The following SLC24A4 variants were observed in gnomAD, a reference collection of about 807,000 sequenced individuals.
The protein encoded by SLC24A4 is solute carrier family 24 member 4.
In SLC24A4, 53 loss-of-function variants were observed where a neutral mutation model predicts 79.0. That is an observed-to-expected ratio of 0.67 (90% CI 0.54 to 0.84). The LOEUF (loss-of-function observed/expected upper bound fraction) is 0.84, where lower values mean the gene tolerates loss of function less well. SLC24A4 is among the 40% of genes least tolerant of loss of function. The pLI is 0.00. For synonymous variants in SLC24A4, 323 were observed against 323.8 expected (o/e 1.00, Z 0.03); for missense variants, 731 against 822.0 (o/e 0.89, Z 1.35).
At chr14:92,489,331 C>G (rs1226041350) in intron 14 of SLC24A4, among the ~76,000 whole-genome samples, 1 of 151,904 alleles carries the variant, frequency 6.6e-6, no homozygotes, top group Non-Finnish European at 1.5e-5. Context: ...TGCAGCTACT[C>G]GGGAGGCTGA....
intron 11 of SLC24A4, among the ~76,000 whole-genome samples, chr14:92,455,533 A>G (rs1264206766): frequency 6.6e-6 from 1 of 152,250 alleles, no homozygotes; most frequent in Admixed American, 6.5e-5. Flanking sequence ...GAATCCATTT[A>G]TATGAAGTTC....
chr14:92,462,905 A>G (rs1041387419), intron 12 of SLC24A4, among the ~76,000 whole-genome samples: 5 of 152,154 alleles, frequency 3.3e-5, no homozygotes, highest in Admixed American at 3.3e-4. Flanking sequence ...GGACAACACT[A>G]CCACCCAACC....
chr14:92,440,055 C>T (rs1009017930), intron 4 of SLC24A4, among the ~76,000 whole-genome samples: 4 of 152,142 alleles, frequency 2.6e-5, no homozygotes, highest in East Asian at 3.9e-4. Flanking sequence ...TGAAATCTCC[C>T]GCGTGTTTGA....
At chr14:92,476,542 T>A (rs1894776953) in intron 12 of SLC24A4, among the ~76,000 whole-genome samples, 1 of 152,200 alleles carries the variant, frequency 6.6e-6, no homozygotes, top group Non-Finnish European at 1.5e-5. Context: ...CAGTCTACTT[T>A]GCAATTTTTA....
intron 6 of SLC24A4, 69 bp from the exon 7 acceptor site, chr14:92,443,331 G>T: frequency 6.7e-7 from 1 of 1,484,454 alleles, no homozygotes; most frequent in Non-Finnish European, 9.4e-7. Flanking sequence ...GGGGGGAGGA[G>T]GCCTGGGCAG....
At chr14:92,489,332 G>A (rs1349447323) in intron 14 of SLC24A4, among the ~76,000 whole-genome samples, 6 of 152,046 alleles carry the variant, frequency 3.9e-5, no homozygotes, top group South Asian at 2.1e-4. Context: ...GCAGCTACTC[G>A]GGAGGCTGAG....
At position 92,490,661 on chromosome 14, in the gene SLC24A4, C is replaced by T. The variant is rs1895629791; in HGVS notation, c.1538-1004C>T. 6.6e-6 allele frequency among the ~76,000 whole-genome samples: 1 copy of T among 152,156 alleles called. No individual in the cohort carries two copies. The highest frequency in any genetic ancestry group is 6.5e-5 in the Admixed American group (1 of 15,286). On this transcript the variant is annotated intron_variant, in intron 14 of 16. Transcript: ENST00000532405. The surrounding 1 kb of genome is among the most constrained non-coding windows in gnomAD (Gnocchi z 4.3). ...GGCACATCCCAAGCCTCAGTTTCAT[C>T]TTCTGTCACGCGAGGTTATGCCCCA...
At chr14:92,456,668 G>A in intron 12 of SLC24A4, 60 bp downstream of exon 12, 3 of 1,550,558 alleles carry the variant, frequency 1.9e-6, no homozygotes, top group Non-Finnish European at 2.6e-6. Context: ...TTAGGACCAA[G>A]CCCAGGTCTT....
intron 12 of SLC24A4, among the ~76,000 whole-genome samples, chr14:92,461,585 C>A (rs1893812228): frequency 6.6e-6 from 1 of 152,166 alleles, no homozygotes; most frequent in Non-Finnish European, 1.5e-5. Flanking sequence ...AGATCTTTCT[C>A]TTCCTCTTCT....
chr14:92,480,773 G>A (rs1895023095), intron 12 of SLC24A4, among the ~76,000 whole-genome samples: 1 of 151,792 alleles, frequency 6.6e-6, no homozygotes, highest in African/African-American at 2.4e-5. Flanking sequence ...CCATGTATTC[G>A]TGAATTTTCC....
chr14:92,442,749 C>T lies in SLC24A4; in HGVS notation c.515C>T (p.Thr172Ile). ...ACCCATGGGGACGTCGGGGTGGGCACCATCGTGGGCTCTGCTGTGTTCAAC... is the reference window on the plus strand; with the variant it reads ...ACCCATGGGGACGTCGGGGTGGGCATCATCGTGGGCTCTGCTGTGTTCAAC... ...FITHGDVGVG[T>I]IVGSAVFNIL... Residue 172 changes from threonine to isoleucine, a missense_variant, in exon 6 of 17, where the codon ACC (threonine) becomes ATC (isoleucine). Thr to Ile is a moderately conservative substitution (Grantham distance 89). Coordinates refer to ENST00000532405, the MANE Select transcript of SLC24A4 (RefSeq NM_153646.4). The T allele has an allele frequency of 6.2e-7, 1 of 1,614,100 alleles. No homozygotes were observed. Among genetic ancestry groups the T allele is most frequent in the East Asian group, 2.2e-5 (1 of 44,880 alleles).
chr14:92,406,356 T>G (rs538281351), intron 2 of SLC24A4, among the ~76,000 whole-genome samples: 1 of 152,342 alleles, frequency 6.6e-6, no homozygotes, highest in East Asian at 1.9e-4. Flanking sequence ...TCTGCCATTC[T>G]GGGGTCTGGA....
rs1280521280 is a variant in SLC24A4, at chr14:92,493,011, CACACACAG to C, written c.1717-463_1717-456del. 4.6e-3 allele frequency: 1,228 copies of C among 266,888 alleles called. 31 individuals are homozygous for C. Among genetic ancestry groups the C allele is most frequent in the East Asian group, 0.022 (124 of 5,694 alleles). The allele number at this position is 266,888 out of a possible 1,614,324, so 16.5% of individuals were successfully genotyped here. A position where few individuals can be genotyped will look rare whatever the true frequency, so the allele number is the denominator to read the frequency against. On this transcript the variant is annotated intron_variant, in intron 16 of 16. Transcript: ENST00000532405. ...ACACACACACACACACACACACACA[CACACACAG>C]AGAAAGATTTGCCCAGCCAGGGGTC...
intron 2 of SLC24A4, among the ~76,000 whole-genome samples, chr14:92,401,937 T>G (rs1890136697): frequency 6.6e-6 from 1 of 152,202 alleles, no homozygotes; most frequent in Admixed American, 6.5e-5. Context: ...TGTTTTCCTC[T>G]GAACACCAAT....
chr14:92,450,939 G>T (rs1435582558), intron 10 of SLC24A4: 2 of 151,980 alleles, frequency 1.3e-5, no homozygotes, highest in African/African-American at 4.8e-5. Context: ...CGCCTACACA[G>T]TGCCTTTTCT....
intron 16 of SLC24A4, chr14:92,492,995 C>T (rs1425159327): frequency 1.8e-5 from 7 of 380,986 alleles, no homozygotes; most frequent in Admixed American, 1.2e-4. Context: ...CACACACACA[C>T]ACACACACAC....
intron 2 of SLC24A4, among the ~76,000 whole-genome samples, chr14:92,380,543 G>A (rs1888784880): frequency 6.6e-6 from 1 of 152,214 alleles, no homozygotes; most frequent in African/African-American, 2.4e-5. Flanking sequence ...TCTCTCAATG[G>A]CCAGAGAAAG....
At chr14:92,471,442 T>C (rs1894437581) in intron 12 of SLC24A4, among the ~76,000 whole-genome samples, 1 of 151,534 alleles carries the variant, frequency 6.6e-6, no homozygotes, top group African/African-American at 2.4e-5. Context: ...GAAATTAAGA[T>C]TTTTAGCTGG....
In SLC24A4 at chr14:92,470,613, C is replaced by T. The variant is rs529115055; in HGVS notation, c.1256-12067C>T. The stretch of plus-strand genomic sequence containing the variant: ...AGTGAAAGGAATGACGGCAGCCCTC[C>T]GTTCTCTTGTTGATGTTTGCGTGTC... On this transcript the variant is annotated intron_variant, in intron 12 of 16. Coordinates refer to ENST00000532405, the MANE Select transcript of SLC24A4 (RefSeq NM_153646.4). Among the ~76,000 whole-genome samples the T allele has an allele frequency of 1.9e-4, 29 of 152,160 alleles. No individual in the cohort carries two copies. The South Asian group carries it at 2.7e-3, about 14-fold the overall frequency.
Sources: allele counts gnomAD v4.1 joint callset (sites outside exome capture counted in the v4.1 genomes callset), GRCh38; gene constraint gnomAD v4.1.1; non-coding constraint Gnocchi (gnomAD v3.1); transcripts MANE v1.5; gene names NCBI Gene and HGNC (gene_info 2026-07-23, HGNC 2026-07-21).